Variants in NREP observed in about 807,000 individuals in gnomAD.
The protein encoded by NREP is neuronal regeneration related protein.
NREP carries 5 observed loss-of-function variants against 8.6 expected under a neutral mutation model. The observed-to-expected ratio is 0.58, with a 90% CI of 0.30 to 1.22. The LOEUF (loss-of-function observed/expected upper bound fraction) is 1.22, where lower values mean the gene tolerates loss of function less well. NREP is among the 50% of genes most tolerant of loss of function. The probability of loss-of-function intolerance (pLI) is 0.07; values close to 1 mark genes in which losing one functional copy is unlikely to be tolerated. For synonymous variants in NREP, 27 were observed against 28.0 expected, an observed-to-expected ratio of 0.96 and a Z score of 0.11; for missense variants, 86 against 82.5, an observed-to-expected ratio of 1.04 and a Z score of -0.17.
At chr5:111,856,117 G>A (rs1171163353) in intron 2 of NREP, among the ~76,000 whole-genome samples, 4 of 152,146 alleles carry the variant, frequency 2.6e-5, no homozygotes, top group Non-Finnish European at 5.9e-5. Context: ...GAAGCATGGT[G>A]GGGGATCTGG....
intron 2 of NREP, among the ~76,000 whole-genome samples, chr5:111,754,305 G>A: frequency 6.6e-6 from 1 of 152,154 alleles, no homozygotes. Context: ...CAGAAACATG[G>A]TATCTTACTC....
At chr5:111,750,096 G>A (rs936534491) in intron 2 of NREP, among the ~76,000 whole-genome samples, 2 of 152,100 alleles carry the variant, frequency 1.3e-5, no homozygotes, top group Non-Finnish European at 2.9e-5. Flanking sequence ...TCAAGTCCTT[G>A]ACTTCTAGGT....
At chr5:111,884,701 T>C (rs1345881504) in intron 2 of NREP, among the ~76,000 whole-genome samples, 1 of 152,190 alleles carries the variant, frequency 6.6e-6, no homozygotes, top group Non-Finnish European at 1.5e-5. Context: ...GTCCAGCATA[T>C]AAACAGAACC....
At chr5:111,790,381 T>G (rs1160862846) in intron 2 of NREP, among the ~76,000 whole-genome samples, 1 of 121,688 alleles carries the variant, frequency 8.2e-6, no homozygotes, top group African/African-American at 3.1e-5. Context: ...TTTTTTTTTT[T>G]GTATTCATCT....
At chr5:111,755,390 G>A (rs3822668) in intron 2 of NREP, 97,997 of 220,094 alleles carry the variant, frequency 0.45, 22,374 homozygotes, top group Admixed American at 0.5. Context: ...TCAGTTTTGG[G>A]TAACTTCGGC....
Position 111,933,844 on chromosome 5 carries a change from A to T in NREP, c.135+41430T>A, listed in dbSNP as rs1755609577. Among the ~76,000 whole-genome samples, 4 of 152,238 alleles carry T rather than the reference A, an allele frequency of 2.6e-5. No individual in the cohort carries two copies. The South Asian group carries it at 8.3e-4, about 32-fold the overall frequency. On this transcript the variant is annotated intron_variant, in intron 2 of 3. Coordinates refer to the NREP transcript ENST00000395634. ...ACCCACAGCTACTAACCCAGAAGCT[A>T]GGGAGGACTTAGATAGTCGCAGAAA...
intron 2 of NREP, among the ~76,000 whole-genome samples, chr5:111,936,049 A>T (rs1342733428): frequency 6.6e-6 from 1 of 152,020 alleles, no homozygotes; most frequent in African/African-American, 2.4e-5. Context: ...GAGTCACTCT[A>T]ATCTCTGCCT....
intron 2 of NREP, among the ~76,000 whole-genome samples, chr5:111,740,840 C>G (rs1375383719): frequency 1.3e-5 from 2 of 152,116 alleles, no homozygotes; most frequent in Non-Finnish European, 2.9e-5. Context: ...TGAATCATAT[C>G]TACTTATTAC....
intron 2 of NREP, among the ~76,000 whole-genome samples, chr5:111,786,025 C>T (rs917855537): frequency 6.6e-6 from 1 of 152,216 alleles, no homozygotes; most frequent in African/African-American, 2.4e-5. Flanking sequence ...TTAAAGGCCA[C>T]ATTGTCCGAT....
intron 2 of NREP, among the ~76,000 whole-genome samples, chr5:111,748,009 C>G (rs969087745): frequency 2.6e-5 from 4 of 152,180 alleles, no homozygotes; most frequent in Admixed American, 1.3e-4. Context: ...TTGAGACAAA[C>G]TGTGCTGCCC....
rs192660487 is a variant in NREP, at chr5:111,753,612, C to T, written c.3+2158G>A. Reference sequence around the variant, plus strand: ...CCCTTTACTAAATAGGTAAAATATACTGAAATTAGATCCTCTTTAGCGTTT... The same window carrying T: ...CCCTTTACTAAATAGGTAAAATATATTGAAATTAGATCCTCTTTAGCGTTT... On this transcript the variant is annotated intron_variant, in intron 2 of 3. Transcript: ENST00000257435. 1.7e-3 allele frequency among the ~76,000 whole-genome samples: 254 copies of T among 151,912 alleles called. 2 individuals carry two copies. The highest frequency in any genetic ancestry group is 6.0e-3 in the African/African-American group (248 of 41,462).
intron 2 of NREP, among the ~76,000 whole-genome samples, chr5:111,791,063 C>T (rs954741469): frequency 6.6e-6 from 1 of 152,086 alleles, no homozygotes; most frequent in African/African-American, 2.4e-5. Flanking sequence ...GAAGATTAAA[C>T]TGTTTATAGC....
Position 111,802,871 on chromosome 5 carries a change from G to T in NREP, c.136-67364C>A, listed in dbSNP as rs143765439. ...GACTATGAGCTCCTTAGATGACTGA[G>T]CAAAACTGGACCAGATAATGGCAAT... On this transcript the variant is annotated intron_variant, in intron 2 of 3. Coordinates refer to the NREP transcript ENST00000395634. 8.5e-5 allele frequency among the ~76,000 whole-genome samples: 13 copies of T among 152,272 alleles called. No individual in the cohort carries two copies. In the East Asian group the frequency reaches 2.3e-3, roughly 27 times the overall value.
At chr5:111,789,970 A>C (rs1751702141) in intron 2 of NREP, among the ~76,000 whole-genome samples, 1 of 152,190 alleles carries the variant, frequency 6.6e-6, no homozygotes. Context: ...AATACAAACA[A>C]AATTGAAAGG....
At chr5:111,894,214 G>A (rs149496014) in intron 2 of NREP, among the ~76,000 whole-genome samples, 48 of 151,950 alleles carry the variant, frequency 3.2e-4, no homozygotes, top group East Asian at 1.7e-3. Context: ...GCAAAACTCC[G>A]TCTCAAATAA....
intron 1 of NREP, chr5:111,975,519 T>C: frequency 3.2e-6 from 2 of 628,244 alleles, no homozygotes; most frequent in South Asian, 2.0e-5. Flanking sequence ...GGCCAGGGTA[T>C]AGGATCAGTT....
At chr5:111,789,185 A>ATG (rs745340480) in intron 2 of NREP, among the ~76,000 whole-genome samples, 4 of 151,992 alleles carry the variant, frequency 2.6e-5, no homozygotes, top group South Asian at 2.1e-4. Flanking sequence ...CTGTGTATGC[A>ATG]TGTGTGTGTG....
At chr5:111,767,065 A>T (rs1046451243) in intron 2 of NREP, among the ~76,000 whole-genome samples, 3 of 152,174 alleles carry the variant, frequency 2.0e-5, no homozygotes, top group African/African-American at 7.2e-5. Context: ...CACGTGAAAA[A>T]AGCCTCAATT....
At chr5:111,828,694 T>G (rs1222308212) in intron 2 of NREP, among the ~76,000 whole-genome samples, 1 of 152,136 alleles carries the variant, frequency 6.6e-6, no homozygotes, top group African/African-American at 2.4e-5. Context: ...TTAATAATAA[T>G]CTAGATACTT....
Sources: allele counts gnomAD v4.1 joint callset (sites outside exome capture counted in the v4.1 genomes callset), GRCh38; gene constraint gnomAD v4.1.1; transcripts MANE v1.5; gene names NCBI Gene and HGNC (gene_info 2026-07-23, HGNC 2026-07-21).